Variants in FOXP2 observed in about 807,000 individuals in gnomAD.
FOXP2 encodes forkhead box protein P2.
In FOXP2, 12 loss-of-function variants were observed where a neutral mutation model predicts 115.8. The ratio of observed to expected loss-of-function variants is 0.10; its 90% CI spans 0.07 to 0.17. The LOEUF (loss-of-function observed/expected upper bound fraction) is 0.17, where lower values mean the gene tolerates loss of function less well. Among genes scored for constraint, FOXP2 ranks in the 10% least tolerant of loss-of-function variants. The pLI, the probability that FOXP2 is intolerant of heterozygous loss-of-function variation, is 1.00. For synonymous variants in FOXP2, 328 were observed against 297.7 expected (o/e 1.10, Z -1.05); for missense variants, 629 against 843.5 (o/e 0.75, Z 3.15).
At chr7:114,638,413 T>C (rs1805340756) in intron 6 of FOXP2, among the ~76,000 whole-genome samples, 1 of 152,296 alleles carries the variant, frequency 6.6e-6, no homozygotes, top group East Asian at 1.9e-4. Context: ...AACACTGTTT[T>C]GGAAATACTG....
chr7:114,209,780 C>T (rs1429434511), intron 1 of FOXP2, among the ~76,000 whole-genome samples: 3 of 152,110 alleles, frequency 2.0e-5, no homozygotes, highest in Admixed American at 6.5e-5. Context: ...CTTTCAGGTA[C>T]CGCAATCACT....
intron 2 of FOXP2, among the ~76,000 whole-genome samples, chr7:114,359,517 A>T (rs931879484): frequency 4.6e-5 from 7 of 152,206 alleles, no homozygotes; most frequent in African/African-American, 1.7e-4. Context: ...GGCCTGGAAA[A>T]GCTGCAGATA....
chr7:114,520,425 A>G (rs937536517), intron 2 of FOXP2, among the ~76,000 whole-genome samples: 5 of 152,178 alleles, frequency 3.3e-5, no homozygotes, highest in African/African-American at 1.2e-4. Context: ...ACTTAAAAGC[A>G]ACACTATCAG....
intron 1 of FOXP2, among the ~76,000 whole-genome samples, chr7:114,271,923 A>G (rs1237549880): frequency 1.2e-4 from 15 of 129,474 alleles, no homozygotes; most frequent in African/African-American, 4.4e-4. Context: ...TTATAATATA[A>G]TTATTATAAT....
chr7:114,533,656 AGTTTT>A (rs1487408904), intron 2 of FOXP2, among the ~76,000 whole-genome samples: 2 of 151,914 alleles, frequency 1.3e-5, no homozygotes, highest in Non-Finnish European at 2.9e-5. Flanking sequence ...GATTTAGTTT[AGTTTT>A]ATGTGTTGAA....
rs563729133 is a variant in FOXP2 at position 114,505,626 on chromosome 7, C to T, written c.169-28991C>T. Among the ~76,000 whole-genome samples the T allele has an allele frequency of 2.7e-5, 4 of 150,562 alleles. No homozygotes were observed. The East Asian group carries it at 7.8e-4, about 29-fold the overall frequency. ...CTGTCTAATTGATTTCAGAACAAAA[C>T]TAGAAAGCCCTTACCAACCTGTTAC... is the stretch of plus-strand genomic sequence containing the variant. On this transcript the variant is annotated intron_variant, in intron 2 of 16. Transcript: ENST00000350908.
intron 1 of FOXP2, among the ~76,000 whole-genome samples, chr7:114,249,533 AG>A (rs1282574041): frequency 6.6e-6 from 1 of 152,118 alleles, no homozygotes; most frequent in African/African-American, 2.4e-5. Context: ...GCCACTGCAA[AG>A]GACATGATCT....
chr7:114,608,000 C>T (rs1179545390), intron 3 of FOXP2, among the ~76,000 whole-genome samples: 1 of 152,070 alleles, frequency 6.6e-6, no homozygotes, highest in East Asian at 1.9e-4. Context: ...ATTTTGTTTC[C>T]CTTTTTAATG....
At chr7:114,260,970 A>G (rs1263992165) in intron 1 of FOXP2, among the ~76,000 whole-genome samples, 1 of 152,194 alleles carries the variant, frequency 6.6e-6, no homozygotes, top group Non-Finnish European at 1.5e-5. Flanking sequence ...GGTACATGAA[A>G]CAAAAAGGTG....
chr7:114,104,579 C>A (rs777975588), intron 1 of FOXP2, among the ~76,000 whole-genome samples: 24 of 152,030 alleles, frequency 1.6e-4, no homozygotes, highest in Admixed American at 8.5e-4. Context: ...CCTTAAAGAG[C>A]TCTATTGTTA....
At chr7:114,113,623 C>T (rs771162401) in intron 1 of FOXP2, among the ~76,000 whole-genome samples, 2 of 152,106 alleles carry the variant, frequency 1.3e-5, no homozygotes, top group Non-Finnish European at 2.9e-5. Flanking sequence ...CCTGCCTCAG[C>T]CTCCTGAGTA....
intron 3 of FOXP2, among the ~76,000 whole-genome samples, chr7:114,565,180 A>C (rs1800949946): frequency 1.3e-5 from 2 of 151,974 alleles, no homozygotes; most frequent in Non-Finnish European, 2.9e-5. Context: ...AAAAACAAAA[A>C]AAAAATCAGG....
At chr7:114,338,408 AC>A (rs1475275302) in intron 2 of FOXP2, among the ~76,000 whole-genome samples, 2 of 150,928 alleles carry the variant, frequency 1.3e-5, no homozygotes, top group African/African-American at 4.8e-5. Flanking sequence ...ACTATTTTCA[AC>A]TATATTATTT....
chr7:114,254,691 C>T (rs1288818085), intron 1 of FOXP2, among the ~76,000 whole-genome samples: 6 of 152,122 alleles, frequency 3.9e-5, no homozygotes, highest in Non-Finnish European at 5.9e-5. Context: ...GTTAGCCATT[C>T]GTCTAATCTT....
chr7:114,631,320 AG>A (rs1804908311), intron 5 of FOXP2, among the ~76,000 whole-genome samples: 1 of 152,134 alleles, frequency 6.6e-6, no homozygotes, highest in Non-Finnish European at 1.5e-5. Context: ...TTTTGATGCA[AG>A]TTCCTTGGTT....
chr7:114,644,907 T>G, intron 8 of FOXP2, 118 bp downstream of exon 8: 1 of 770,608 alleles, frequency 1.3e-6, no homozygotes, highest in South Asian at 1.6e-5. Context: ...TAAGTCATAC[T>G]TCAAGATTTT....
intron 1 of FOXP2, among the ~76,000 whole-genome samples, chr7:114,278,106 A>T (rs1584602177): frequency 6.6e-6 from 1 of 151,748 alleles, no homozygotes; most frequent in East Asian, 1.9e-4. Flanking sequence ...TGATGTAAGA[A>T]TTATTCTCAA....
At position 114,535,281 on chromosome 7, in the gene FOXP2, A is replaced by G. The variant is rs762894277; in HGVS notation, c.258+575A>G. The stretch of plus-strand genomic sequence containing the variant: ...TCTTTTAAAGTAACTTTTGTTACAT[A>G]ATATAATCCTTGTTTTATGCAGTCT... On this transcript the variant is annotated intron_variant, in intron 3 of 16. Transcript: ENST00000350908. 3.9e-4 allele frequency among the ~76,000 whole-genome samples: 59 copies of G among 151,656 alleles called. 2 individuals are homozygous for G. The highest frequency in any genetic ancestry group is 2.1e-3 in the South Asian group (10 of 4,808).
chr7:114,466,453 A>C (rs1394025851), intron 2 of FOXP2, among the ~76,000 whole-genome samples: 2 of 152,126 alleles, frequency 1.3e-5, no homozygotes, highest in Non-Finnish European at 2.9e-5. Flanking sequence ...CTTACTTTTC[A>C]AGACCTTGTG....
Sources: allele counts gnomAD v4.1 joint callset (sites outside exome capture counted in the v4.1 genomes callset), GRCh38; gene constraint gnomAD v4.1.1; transcripts MANE v1.5; gene names NCBI Gene and HGNC (gene_info 2026-07-23, HGNC 2026-07-21).